Variants in PCDHA13 observed in about 807,000 individuals in gnomAD.
PCDHA13 encodes protocadherin alpha-13.
Under a neutral mutation model 64.8 loss-of-function variants are expected in PCDHA13, and 54 were observed. That is an observed-to-expected ratio of 0.83 (90% CI 0.67 to 1.04). The LOEUF (loss-of-function observed/expected upper bound fraction) is 1.04, where lower values mean the gene tolerates loss of function less well. PCDHA13 is among the 50% of genes least tolerant of loss of function. The pLI is 0.00. For synonymous variants in PCDHA13, 587 were observed against 564.4 expected (o/e 1.04, Z -0.57); for missense variants, 1,248 against 1,254.3 (o/e 0.99, Z 0.08).
At chr5:140,964,609 T>A (rs2095843840) in intron 1 of PCDHA13, among the ~76,000 whole-genome samples, 1 of 152,062 alleles carries the variant, frequency 6.6e-6, no homozygotes, top group Non-Finnish European at 1.5e-5. Context: ...AACTTACAAC[T>A]TGATTCCACT....
intron 1 of PCDHA13, among the ~76,000 whole-genome samples, chr5:140,959,250 G>A (rs2095476529): frequency 6.6e-6 from 1 of 152,030 alleles, no homozygotes. Context: ...GATAGTGCAT[G>A]ACTGTAGTCC....
chr5:140,920,640 T>C (rs1554199754), intron 1 of PCDHA13, among the ~76,000 whole-genome samples: 1 of 152,038 alleles, frequency 6.6e-6, no homozygotes, highest in African/African-American at 2.4e-5. Context: ...GGTCAAGAGA[T>C]TGAGACCATC....
At chr5:140,948,395 T>C (rs1317288202) in intron 1 of PCDHA13, among the ~76,000 whole-genome samples, 1 of 151,580 alleles carries the variant, frequency 6.6e-6, no homozygotes, top group African/African-American at 2.4e-5. Context: ...TTCTGAAAGG[T>C]TGTGTAATAT....
chr5:140,927,137 A>T, intron 1 of PCDHA13: 1 of 1,614,052 alleles, frequency 6.2e-7, no homozygotes, highest in Non-Finnish European at 8.5e-7. Context: ...GAGCCGGCGG[A>T]CCGCGAACAG....
At chr5:140,913,451 T>G (rs1201347326) in intron 1 of PCDHA13, among the ~76,000 whole-genome samples, 1 of 152,160 alleles carries the variant, frequency 6.6e-6, no homozygotes, top group East Asian at 1.9e-4. Context: ...CAGCTCCGAT[T>G]TTATTTACTT....
intron 1 of PCDHA13, among the ~76,000 whole-genome samples, chr5:140,900,367 T>C (rs1554189080): frequency 6.6e-6 from 1 of 152,152 alleles, no homozygotes; most frequent in Non-Finnish European, 1.5e-5. Context: ...AACCTCTGCC[T>C]CCTGGGTTCA....
chr5:140,914,785 C>G (rs2153531678), intron 1 of PCDHA13, among the ~76,000 whole-genome samples: 1 of 151,672 alleles, frequency 6.6e-6, no homozygotes, highest in Non-Finnish European at 1.5e-5. Context: ...ATCTTATGAC[C>G]CATTATTTTA....
chr5:140,927,110 G>A, intron 1 of PCDHA13: 2 of 1,613,752 alleles, frequency 1.2e-6, no homozygotes, highest in Non-Finnish European at 1.7e-6. Flanking sequence ...CTACCCAGCG[G>A]CAATTTGGTG....
intron 1 of PCDHA13, chr5:140,927,597 C>T (rs781933372): frequency 1.2e-6 from 2 of 1,614,200 alleles, no homozygotes; most frequent in South Asian, 1.1e-5. Context: ...TATTTGAGCG[C>T]TCCGTATACC....
intron 3 of PCDHA13, among the ~76,000 whole-genome samples, chr5:140,990,502 A>T (rs1303617067): frequency 6.6e-6 from 1 of 152,164 alleles, no homozygotes; most frequent in African/African-American, 2.4e-5. Context: ...ACATTCCCCA[A>T]GTCTTCTCTC....
At chr5:140,955,065 T>C (rs1258214145) in intron 1 of PCDHA13, among the ~76,000 whole-genome samples, 8 of 152,214 alleles carry the variant, frequency 5.3e-5, no homozygotes, top group Admixed American at 3.3e-4. Context: ...GTCAGGTTTG[T>C]TGAAGATCAG....
chr5:140,943,696 A>G (rs2093549628), intron 1 of PCDHA13, among the ~76,000 whole-genome samples: 1 of 152,256 alleles, frequency 6.6e-6, no homozygotes, highest in South Asian at 2.1e-4. Context: ...AGGTCAAAAT[A>G]TTGTGGAACA....
chr5:140,928,605 C>T, intron 1 of PCDHA13: 1 of 1,614,208 alleles, frequency 6.2e-7, no homozygotes, highest in South Asian at 1.1e-5. Flanking sequence ...AAATTGTGCC[C>T]CGCTCTGCCA....
chr5:140,896,037 C>T (rs1373567434), intron 1 of PCDHA13, among the ~76,000 whole-genome samples: 1 of 152,156 alleles, frequency 6.6e-6, no homozygotes, highest in Non-Finnish European at 1.5e-5. Context: ...TCTCGAACTC[C>T]TGACCTCAGG....
chr5:140,995,383 G>A (rs909887279), intron 3 of PCDHA13, among the ~76,000 whole-genome samples: 2 of 152,158 alleles, frequency 1.3e-5, no homozygotes, highest in African/African-American at 4.8e-5. Flanking sequence ...TACTGGGCAG[G>A]ATAAAGCGGG....
chr5:140,991,386 G>T (rs1044991848), intron 3 of PCDHA13, among the ~76,000 whole-genome samples: 2 of 152,168 alleles, frequency 1.3e-5, no homozygotes, highest in African/African-American at 4.8e-5. Context: ...CAACTGTAGG[G>T]TGTCTGTATT....
At chr5:140,978,240 C>T (rs1290697340) in intron 1 of PCDHA13, among the ~76,000 whole-genome samples, 3 of 152,174 alleles carry the variant, frequency 2.0e-5, no homozygotes, top group African/African-American at 7.2e-5. Context: ...TGGATTTCAG[C>T]TACTCCCTGT....
intron 3 of PCDHA13, among the ~76,000 whole-genome samples, chr5:140,993,560 A>G (rs2097572904): frequency 6.6e-6 from 1 of 151,740 alleles, no homozygotes; most frequent in Non-Finnish European, 1.5e-5. Context: ...AGTATATAGT[A>G]TCCTTTCTAG....
At chr5:140,934,363 T>C (rs1354531260) in intron 1 of PCDHA13, among the ~76,000 whole-genome samples, 3 of 152,170 alleles carry the variant, frequency 2.0e-5, no homozygotes, top group African/African-American at 7.2e-5. Context: ...GCCACTGCTT[T>C]GACTCCTTCT....
Sources: allele counts gnomAD v4.1 joint callset (sites outside exome capture counted in the v4.1 genomes callset), GRCh38; gene constraint gnomAD v4.1.1; transcripts MANE v1.5; gene names NCBI Gene and HGNC (gene_info 2026-07-23, HGNC 2026-07-21).